CRADD: variants seen among roughly 807,000 people sequenced by gnomAD.
CRADD encodes death domain-containing protein CRADD.
A neutral mutation model predicts 15.5 loss-of-function variants in CRADD; 9 were observed. The ratio of observed to expected loss-of-function variants is 0.58; its 90% CI spans 0.35 to 1.01. The LOEUF (loss-of-function observed/expected upper bound fraction) is 1.01, where lower values mean the gene tolerates loss of function less well. Ranked by LOEUF, CRADD falls within the 50% of genes least tolerant of loss-of-function variation. The pLI is 0.02. For missense variants in CRADD, 227 were observed against 250.3 expected (o/e 0.91, Z 0.63); for synonymous variants, 118 against 107.6 (o/e 1.10, Z -0.60).
At chr12:93,717,855 C>G (rs142314085) in intron 2 of CRADD, among the ~76,000 whole-genome samples, 1 of 152,304 alleles carries the variant, frequency 6.6e-6, no homozygotes, top group East Asian at 1.9e-4. Context: ...TATGAAGGGT[C>G]TAACATCTGT....
intron 2 of CRADD, among the ~76,000 whole-genome samples, chr12:93,817,000 G>A (rs557726033): frequency 2.8e-4 from 43 of 152,154 alleles, no homozygotes; most frequent in African/African-American, 8.0e-4. Flanking sequence ...GGAATTAGAG[G>A]GCTTAGTCCT....
At chr12:93,804,355 C>T (rs1244736934) in intron 2 of CRADD, among the ~76,000 whole-genome samples, 3 of 152,088 alleles carry the variant, frequency 2.0e-5, no homozygotes, top group Non-Finnish European at 4.4e-5. Context: ...TTTAGTCAGT[C>T]ACATGTATGA....
At chr12:93,752,466 A>G (rs957299843) in intron 2 of CRADD, among the ~76,000 whole-genome samples, 2 of 152,220 alleles carry the variant, frequency 1.3e-5, no homozygotes, top group African/African-American at 4.8e-5. Flanking sequence ...AGTAAAATAA[A>G]CACTGTGTGT....
At chr12:93,711,103 A>G (rs1324147101) in intron 2 of CRADD, among the ~76,000 whole-genome samples, 1 of 106,714 alleles carries the variant, frequency 9.4e-6, no homozygotes, top group Non-Finnish European at 1.8e-5. Context: ...ATTGTGTTGT[A>G]CATGTTCCTC....
intron 2 of CRADD, among the ~76,000 whole-genome samples, chr12:93,748,863 G>C (rs147365149): frequency 6.6e-6 from 1 of 152,332 alleles, no homozygotes; most frequent in East Asian, 1.9e-4. Context: ...ACAGATGTGA[G>C]GGCTGATAGT....
intron 2 of CRADD, among the ~76,000 whole-genome samples, chr12:93,887,174 A>G (rs1423510332): frequency 6.6e-6 from 1 of 152,224 alleles, no homozygotes; most frequent in East Asian, 1.9e-4. Context: ...TGAGAATTAC[A>G]ATAGCTTACC....
intron 2 of CRADD, among the ~76,000 whole-genome samples, chr12:93,814,345 C>T (rs2137011205): frequency 6.6e-6 from 1 of 152,232 alleles, no homozygotes; most frequent in African/African-American, 2.4e-5. Flanking sequence ...GAGGAGCCAG[C>T]TTCACTCTCT....
intron 2 of CRADD, among the ~76,000 whole-genome samples, chr12:93,789,617 C>G (rs144386562): frequency 6.6e-6 from 1 of 151,940 alleles, no homozygotes; most frequent in African/African-American, 2.4e-5. Flanking sequence ...GGAGGGATGA[C>G]AAAGGGGCAG....
chr12:93,712,731 G>C (rs773914902), intron 2 of CRADD, among the ~76,000 whole-genome samples: 11 of 152,188 alleles, frequency 7.2e-5, no homozygotes, highest in Non-Finnish European at 1.2e-4. Context: ...TCGAGAGTGA[G>C]GAATGTGGGC....
At chr12:93,847,393 T>C (rs1958139017) in intron 2 of CRADD, among the ~76,000 whole-genome samples, 1 of 142,418 alleles carries the variant, frequency 7.0e-6, no homozygotes, top group Non-Finnish European at 1.5e-5. Flanking sequence ...AAAAATAATA[T>C]AAAATTGTTC....
At chr12:93,885,566 T>C (rs955033782) in intron 2 of CRADD, among the ~76,000 whole-genome samples, 4 of 152,120 alleles carry the variant, frequency 2.6e-5, no homozygotes, top group Non-Finnish European at 4.4e-5. Flanking sequence ...GTGAGTGTCA[T>C]TGAAAGAACA....
downstream of CRADD, among the ~76,000 whole-genome samples, chr12:93,852,518 G>A (rs377702160): frequency 7.2e-4 from 109 of 152,332 alleles, 1 homozygote; most frequent in South Asian, 6.6e-3. Flanking sequence ...ACCAAATGGC[G>A]GCAGCCCCTC....
At chr12:93,718,062 C>A (rs1412359356) in intron 2 of CRADD, among the ~76,000 whole-genome samples, 3 of 152,192 alleles carry the variant, frequency 2.0e-5, no homozygotes, top group Non-Finnish European at 4.4e-5. Context: ...CGATATCACA[C>A]TCTCTTGATG....
intron 2 of CRADD, among the ~76,000 whole-genome samples, chr12:93,700,406 A>G (rs1276387893): frequency 6.6e-6 from 1 of 151,938 alleles, no homozygotes; most frequent in Non-Finnish European, 1.5e-5. Context: ...TCTTCTGCAT[A>G]CTAGCCAAAT....
chr12:93,867,382 A>G (rs1410075771), intron 2 of CRADD, among the ~76,000 whole-genome samples: 9 of 68,802 alleles, frequency 1.3e-4, no homozygotes, highest in African/African-American at 4.5e-4. Context: ...TTCAAGTTGT[A>G]TTTGACATAT....
intron 2 of CRADD, chr12:93,815,008 T>C (rs1321299123): frequency 1.3e-5 from 2 of 152,132 alleles, no homozygotes; most frequent in African/African-American, 4.8e-5. Context: ...TCTGTGAAGG[T>C]AGCTTTTTAG....
At chr12:93,881,953 C>T (rs1404441820) in intron 2 of CRADD, among the ~76,000 whole-genome samples, 1 of 150,716 alleles carries the variant, frequency 6.6e-6, no homozygotes, top group African/African-American at 2.5e-5. Context: ...CTGGTGAAAC[C>T]CCATCTCTAC....
At chr12:93,745,159 G>T (rs1232460912) in intron 2 of CRADD, among the ~76,000 whole-genome samples, 1 of 152,094 alleles carries the variant, frequency 6.6e-6, no homozygotes, top group Non-Finnish European at 1.5e-5. Context: ...AAAGCTTGTG[G>T]TGACGGGAGG....
At chr12:93,790,772 A>C (rs1336357771) in intron 2 of CRADD, 1 of 152,054 alleles carries the variant, frequency 6.6e-6, no homozygotes, top group Non-Finnish European at 1.5e-5. Flanking sequence ...CATGATCTGT[A>C]CTCCTGACCT....
Sources: gnomAD v4.1 joint callset for allele counts (sites outside exome capture counted in the v4.1 genomes callset) on GRCh38, gnomAD v4.1.1 for gene constraint, MANE v1.5 for transcripts, NCBI Gene and HGNC (gene_info 2026-07-23, HGNC 2026-07-21) for gene names.